The following SATB1 variants were observed in gnomAD, a reference collection of about 807,000 sequenced individuals.
SATB1 encodes the protein DNA-binding protein SATB1.
A neutral mutation model predicts 86.9 loss-of-function variants in SATB1; 11 were observed. The ratio of observed to expected loss-of-function variants is 0.13; its 90% CI spans 0.08 to 0.21. The LOEUF (loss-of-function observed/expected upper bound fraction) is 0.21, where lower values mean the gene tolerates loss of function less well. Ranked by LOEUF, SATB1 falls within the 10% of genes least tolerant of loss-of-function variation. The pLI, the probability that SATB1 is intolerant of heterozygous loss-of-function variation, is 1.00. For synonymous variants in SATB1, 357 were observed against 357.2 expected (o/e 1.00, Z 0.01); for missense variants, 551 against 937.6 (o/e 0.59, Z 5.39).
At chr3:18,430,386 G>C (rs927119504) in intron 2 of SATB1, among the ~76,000 whole-genome samples, 1 of 152,162 alleles carries the variant, frequency 6.6e-6, no homozygotes, top group Non-Finnish European at 1.5e-5. Flanking sequence ...ACAAATTTAA[G>C]AACTTTCTAG....
intron 9 of SATB1, among the ~76,000 whole-genome samples, chr3:18,361,783 A>C (rs1694916675): frequency 6.6e-6 from 1 of 152,198 alleles, no homozygotes; most frequent in African/African-American, 2.4e-5. Context: ...AGTTGAATAT[A>C]GCCTAAATAC....
chr3:18,375,324 G>T (rs891862539), intron 9 of SATB1, among the ~76,000 whole-genome samples: 2 of 152,108 alleles, frequency 1.3e-5, no homozygotes, highest in Non-Finnish European at 2.9e-5. Flanking sequence ...AGCTCACAGG[G>T]TTACTAAATT....
intron 10 of SATB1, 58 bp downstream of exon 10, chr3:18,351,931 CCTG>C (rs1694383349): frequency 1.3e-6 from 2 of 1,522,636 alleles, no homozygotes; most frequent in South Asian, 2.3e-5. Flanking sequence ...CGCTAATTTC[CCTG>C]CTAAGTTTAA....
chr3:18,405,463 A>G (rs971065439), intron 5 of SATB1, among the ~76,000 whole-genome samples: 1 of 152,016 alleles, frequency 6.6e-6, no homozygotes, highest in Admixed American at 6.6e-5. Flanking sequence ...AACAAGAACT[A>G]AAGTACTTTG....
intron 2 of SATB1, 72 bp downstream of exon 2, chr3:18,420,684 AC>A (rs1698339542): frequency 1.7e-6 from 2 of 1,195,180 alleles, no homozygotes; most frequent in Non-Finnish European, 2.5e-6. Context: ...CTGCCACTCC[AC>A]CCCCACACAG....
intron 5 of SATB1, among the ~76,000 whole-genome samples, chr3:18,399,379 A>C (rs1170069535): frequency 6.6e-6 from 1 of 152,212 alleles, no homozygotes; most frequent in Non-Finnish European, 1.5e-5. Flanking sequence ...TTTACTATCT[A>C]TTAAGAACAC....
chr3:18,351,716 C>A, intron 10 of SATB1: 2 of 522,012 alleles, frequency 3.8e-6, no homozygotes, highest in Non-Finnish European at 6.8e-6. Flanking sequence ...AACACAAAAC[C>A]CAATACCAAC....
chr3:18,425,427 G>T, upstream of SATB1: 1 of 151,918 alleles, frequency 6.6e-6, no homozygotes, highest in South Asian at 1.9e-4. Flanking sequence ...CGGCGTGGGG[G>T]GGCAGGGTGC....
chr3:18,437,227 A>C (rs1699095402), intron 1 of SATB1, among the ~76,000 whole-genome samples: 1 of 152,154 alleles, frequency 6.6e-6, no homozygotes, highest in Non-Finnish European at 1.5e-5. Context: ...TCATCAAAAA[A>C]CAAGAAAACA....
intron 9 of SATB1, among the ~76,000 whole-genome samples, chr3:18,360,491 T>A (rs1421034689): frequency 1.3e-5 from 2 of 151,798 alleles, no homozygotes; most frequent in African/African-American, 4.8e-5. Flanking sequence ...CCATTCCTTA[T>A]ACAATTCTCT....
chr3:18,393,306 A>G (rs1377705544), intron 7 of SATB1, among the ~76,000 whole-genome samples: 1 of 151,642 alleles, frequency 6.6e-6, no homozygotes, highest in African/African-American at 2.4e-5. Context: ...AATCAAAGTT[A>G]CGCGGTTTTT....
At chr3:18,415,506 G>A (rs191535595) in intron 4 of SATB1, among the ~76,000 whole-genome samples, 2 of 152,046 alleles carry the variant, frequency 1.3e-5, no homozygotes, top group East Asian at 1.9e-4. Flanking sequence ...AATTTAAGGT[G>A]TACTGCTTTC....
Position 18,394,258 on chromosome 3 carries a change from G to A in SATB1, c.1206+204C>T, listed in dbSNP as rs1468363611. ...AAAGGCCCTGAATTGGGATCAATCT[G>A]CACATAGGTTCCCTTGATTCAGAAG... On this transcript the variant is annotated intron_variant, in intron 7 of 10. Transcript: ENST00000338745. The surrounding 1 kb of genome is among the most constrained non-coding windows in gnomAD (Gnocchi z 5.9). 6.6e-6 allele frequency among the ~76,000 whole-genome samples: 1 copy of A among 152,174 alleles called. No homozygotes were observed.
intron 5 of SATB1, among the ~76,000 whole-genome samples, chr3:18,399,140 T>C (rs1019229910): frequency 6.6e-6 from 1 of 152,228 alleles, no homozygotes; most frequent in African/African-American, 2.4e-5. Context: ...ATGTGGTTTA[T>C]GTCTTACTTT....
rs752648067 is a variant in SATB1 at position 18,397,160 on chromosome 3, C to A, written c.751+19G>T. On this transcript the variant is annotated intron_variant, in intron 6 of 10. Coordinates refer to ENST00000338745, the MANE Select transcript of SATB1 (RefSeq NM_002971.6). ...ACGTAATGGTATGTAGCCACTGCTG[C>A]AATGTTTTTTTTGCTTACCCATCAT... The A allele has an allele frequency of 3.0e-6, 4 of 1,346,566 alleles. No individual in the cohort carries two copies. The highest frequency in any genetic ancestry group is 4.3e-6 in the Non-Finnish European group (4 of 936,312). 83.4% of individuals were successfully genotyped at this position (1,346,566 alleles called of 1,614,324 possible).
At chr3:18,432,543 A>G (rs553777845) in intron 2 of SATB1, among the ~76,000 whole-genome samples, 1 of 152,304 alleles carries the variant, frequency 6.6e-6, no homozygotes, top group East Asian at 1.9e-4. Flanking sequence ...CGTTGGAAGG[A>G]AAGCCACCAT....
chr3:18,378,278 G>A lies in SATB1; in HGVS notation c.1467C>T (p.Asn489=), dbSNP rs759323777. 8.7e-6 allele frequency: 14 copies of A among 1,611,408 alleles called. No homozygotes were observed. The Admixed American group carries it at 2.2e-4, about 25-fold the overall frequency. Residue 489 remains asparagine, a synonymous_variant, in exon 9 of 11, where the codon AAC becomes AAT. Transcript: ENST00000338745. The part of the protein sequence containing the change: ...IATERNGKPE[N]NTMNINASIY... ...TGGAAGCATTAATGTTCATGGTATT[G>A]TTCTCTGGTTTCCCATTCCTTTCAG...
chr3:18,383,566 G>C (rs1403581346), intron 8 of SATB1, among the ~76,000 whole-genome samples: 3 of 152,076 alleles, frequency 2.0e-5, no homozygotes, highest in Non-Finnish European at 4.4e-5. Context: ...TCATTTTGGG[G>C]GAAATGAAAT....
In SATB1 at chr3:18,347,185, A is replaced by G. The variant is rs1694098907; in HGVS notation, c.*1985T>C. The G allele has an allele frequency of 6.6e-6, 1 of 152,186 alleles. No homozygotes were observed. The highest frequency in any genetic ancestry group is 6.5e-5 in the Admixed American group (1 of 15,278). 9.4% of individuals were successfully genotyped at this position (152,186 alleles called of 1,614,324 possible). On this transcript the variant is annotated 3_prime_UTR_variant, in exon 11 of 11. Transcript: ENST00000338745. ...ATCAGGGCCTGAGAAGATGGTAGGC[A>G]GAAAGAGAAGGGGCAATTGCAAAAT... is the stretch of plus-strand genomic sequence containing the variant.
Sources: gnomAD v4.1 joint callset for allele counts (sites outside exome capture counted in the v4.1 genomes callset) on GRCh38, gnomAD v4.1.1 for gene constraint, Gnocchi (gnomAD v3.1) non-coding constraint, MANE v1.5 for transcripts, NCBI Gene and HGNC (gene_info 2026-07-23, HGNC 2026-07-21) for gene names.